Variants in EFNA5 observed in about 807,000 individuals in gnomAD.
EFNA5 encodes ephrin A5.
Under a neutral mutation model 22.9 loss-of-function variants are expected in EFNA5, and 5 were observed. The observed-to-expected ratio is 0.22, with a 90% confidence interval of 0.11 to 0.46. The LOEUF (loss-of-function observed/expected upper bound fraction) is 0.46, where lower values mean the gene tolerates loss of function less well. Among genes scored for constraint, EFNA5 ranks in the 20% least tolerant of loss-of-function variants. EFNA5 has a pLI of 0.99. For missense variants in EFNA5, 237 were observed against 293.3 expected, an observed-to-expected ratio of 0.81 and a Z score of 1.40; for synonymous variants, 113 against 112.2, an observed-to-expected ratio of 1.01 and a Z score of -0.04.
At chr5:107,394,624 C>G (rs957874371) in intron 2 of EFNA5, among the ~76,000 whole-genome samples, 1 of 152,146 alleles carries the variant, frequency 6.6e-6, no homozygotes, top group Non-Finnish European at 1.5e-5. Context: ...GAAGCACCAC[C>G]CATCCTACCC....
intron 2 of EFNA5, among the ~76,000 whole-genome samples, chr5:107,413,908 T>A (rs1208747755): frequency 3.3e-5 from 5 of 152,142 alleles, no homozygotes; most frequent in Non-Finnish European, 7.4e-5. Flanking sequence ...ACTTAGTCTC[T>A]CCCTAACCAG....
At chr5:107,579,804 T>G (rs1195799049) in intron 1 of EFNA5, among the ~76,000 whole-genome samples, 1 of 152,150 alleles carries the variant, frequency 6.6e-6, no homozygotes, top group Admixed American at 6.6e-5. Context: ...GCTGCACGAG[T>G]GGCACTTCTG....
chr5:107,437,091 C>A (rs1749129994), intron 1 of EFNA5, among the ~76,000 whole-genome samples: 1 of 152,044 alleles, frequency 6.6e-6, no homozygotes, highest in Admixed American at 6.5e-5. Flanking sequence ...CAATCTAAAT[C>A]TGAAATTTAG....
At chr5:107,440,072 C>T (rs370733702) in intron 1 of EFNA5, among the ~76,000 whole-genome samples, 1 of 152,204 alleles carries the variant, frequency 6.6e-6, no homozygotes, top group African/African-American at 2.4e-5. Flanking sequence ...CCTCCCCACA[C>T]TCATTAAAAG....
intron 1 of EFNA5, among the ~76,000 whole-genome samples, chr5:107,527,804 T>C (rs1421989091): frequency 1.3e-5 from 2 of 151,958 alleles, no homozygotes; most frequent in Non-Finnish European, 1.5e-5. Flanking sequence ...AAAACCAAGA[T>C]GGGAACATGT....
intron 1 of EFNA5, among the ~76,000 whole-genome samples, chr5:107,632,262 C>T (rs1341216129): frequency 6.6e-6 from 1 of 152,130 alleles, no homozygotes; most frequent in Non-Finnish European, 1.5e-5. Context: ...TTGCTTTCCG[C>T]TGCTCCCTTT....
chr5:107,618,617 A>G (rs922979818), intron 1 of EFNA5, among the ~76,000 whole-genome samples: 2 of 152,198 alleles, frequency 1.3e-5, no homozygotes, highest in Admixed American at 6.5e-5. Flanking sequence ...AGCACACCAA[A>G]GTTTCAGAGT....
chr5:107,607,490 T>C (rs1167824944), intron 1 of EFNA5, among the ~76,000 whole-genome samples: 1 of 152,228 alleles, frequency 6.6e-6, no homozygotes, highest in East Asian at 1.9e-4. Flanking sequence ...GTACAAACCT[T>C]TAAAACGAAT....
At chr5:107,491,396 C>T (rs1480159619) in intron 1 of EFNA5, among the ~76,000 whole-genome samples, 3 of 152,236 alleles carry the variant, frequency 2.0e-5, no homozygotes, top group Non-Finnish European at 2.9e-5. Flanking sequence ...ACCACAACCT[C>T]TGCCTCCCGG....
chr5:107,381,361 T>A lies in EFNA5; in HGVS notation c.581A>T (p.Glu194Val). 1 of 1,613,488 alleles carries A rather than the reference T, an allele frequency of 6.2e-7. No homozygotes were observed. The change falls in exon 5 of 5, where the codon GAG becomes GTG. Residue 194 changes from glutamate to valine, a missense_variant. Coordinates refer to ENST00000333274, the MANE Select transcript of EFNA5 (RefSeq NM_001962.3). ...SLEPADDTVH[E>V]SAEPSRGENA... ...CTCGCCGCGGGATGGCTCGGCTGACTCATGTACGGTGTCATCTGTTCAAAT... is the reference window on the plus strand; with the variant it reads ...CTCGCCGCGGGATGGCTCGGCTGACACATGTACGGTGTCATCTGTTCAAAT...
chr5:107,605,965 TA>T (rs1749703797), intron 1 of EFNA5, among the ~76,000 whole-genome samples: 1 of 152,206 alleles, frequency 6.6e-6, no homozygotes, highest in Non-Finnish European at 1.5e-5. Context: ...CTGTTTCCTG[TA>T]TAATATCACT....
chr5:107,461,445 A>G (rs928467301), intron 1 of EFNA5, among the ~76,000 whole-genome samples: 1 of 152,078 alleles, frequency 6.6e-6, no homozygotes, highest in African/African-American at 2.4e-5. Context: ...CAGCCGATAT[A>G]CCCCTAAAGA....
At chr5:107,388,892 G>A (rs1054959448) in intron 2 of EFNA5, among the ~76,000 whole-genome samples, 1 of 152,098 alleles carries the variant, frequency 6.6e-6, no homozygotes, top group Admixed American at 6.6e-5. Flanking sequence ...TATTCCTCAT[G>A]GGGAGCTGAG....
At chr5:107,524,055 C>T (rs1219432412) in intron 1 of EFNA5, among the ~76,000 whole-genome samples, 2 of 152,142 alleles carry the variant, frequency 1.3e-5, no homozygotes, top group Non-Finnish European at 2.9e-5. Context: ...GATAATCAAC[C>T]TGTTGGGTTC....
chr5:107,377,121 C>T lies in EFNA5; in HGVS notation c.*4134G>A, dbSNP rs1747284223. 6.6e-6 allele frequency: 1 copy of T among 152,094 alleles called. No individual in the cohort carries two copies. The highest frequency in any genetic ancestry group is 2.4e-5 in the African/African-American group (1 of 41,402). 9.4% of individuals were successfully genotyped at this position (152,094 alleles called of 1,614,324 possible). ...GACCACACGGAGCTGGACTTCACACCCAGACGCACACACAATGAGTGGCTT... is the reference window on the plus strand; with the variant it reads ...GACCACACGGAGCTGGACTTCACACTCAGACGCACACACAATGAGTGGCTT... On this transcript the variant is annotated 3_prime_UTR_variant, in exon 5 of 5. Transcript: ENST00000333274.
chr5:107,616,937 G>C (rs2112525197), intron 1 of EFNA5, among the ~76,000 whole-genome samples: 1 of 152,078 alleles, frequency 6.6e-6, no homozygotes, highest in Admixed American at 6.6e-5. Flanking sequence ...AGCCAATCAG[G>C]GGATCAATTT....
At chr5:107,483,051 TAC>T (rs1268553444) in intron 1 of EFNA5, among the ~76,000 whole-genome samples, 7 of 152,142 alleles carry the variant, frequency 4.6e-5, no homozygotes, top group African/African-American at 1.7e-4. Context: ...CTAATTAGTT[TAC>T]AGTGTTTAAG....
chr5:107,653,948 C>T (rs1212291225), intron 1 of EFNA5, among the ~76,000 whole-genome samples: 2 of 152,094 alleles, frequency 1.3e-5, no homozygotes, highest in African/African-American at 2.4e-5. Context: ...CCAAACTCCA[C>T]GACTGAATTC....
chr5:107,396,164 C>A (rs192183149), intron 2 of EFNA5, among the ~76,000 whole-genome samples: 2 of 152,296 alleles, frequency 1.3e-5, no homozygotes, highest in South Asian at 2.1e-4. Context: ...TTTCAAAACC[C>A]CTTTCATTAT....
Sources: allele counts gnomAD v4.1 joint callset (sites outside exome capture counted in the v4.1 genomes callset), GRCh38; gene constraint gnomAD v4.1.1; transcripts MANE v1.5; gene names NCBI Gene and HGNC (gene_info 2026-07-23, HGNC 2026-07-21).